RALGAPA1: variants seen among roughly 807,000 people sequenced by gnomAD.
RALGAPA1 encodes ral GTPase-activating protein subunit alpha-1.
In RALGAPA1, 52 loss-of-function variants were observed where a neutral mutation model predicts 269.6. That is an observed-to-expected ratio of 0.19 (90% CI 0.15 to 0.24). The LOEUF (loss-of-function observed/expected upper bound fraction) is 0.24, where lower values mean the gene tolerates loss of function less well. Among genes scored for constraint, RALGAPA1 ranks in the 10% least tolerant of loss-of-function variants. The pLI, the probability that RALGAPA1 is intolerant of heterozygous loss-of-function variation, is 1.00. For missense variants in RALGAPA1, 1,917 were observed against 3,013.9 expected (o/e 0.64, Z 8.52); for synonymous variants, 817 against 1,008.3 (o/e 0.81, Z 3.60).
intron 12 of RALGAPA1, among the ~76,000 whole-genome samples, chr14:35,729,421 T>C (rs1410439446): frequency 6.6e-6 from 1 of 152,022 alleles, no homozygotes; most frequent in East Asian, 1.9e-4. Context: ...AGTATATACA[T>C]AGTAATAGAA....
intron 1 of RALGAPA1, among the ~76,000 whole-genome samples, chr14:35,785,802 CT>C (rs942910731): frequency 1.3e-5 from 2 of 152,168 alleles, no homozygotes; most frequent in African/African-American, 2.4e-5. Flanking sequence ...CATAATTAAG[CT>C]GTTGCAGAAC....
chr14:35,702,863 C>G (rs1384434947), intron 16 of RALGAPA1, among the ~76,000 whole-genome samples: 1 of 151,628 alleles, frequency 6.6e-6, no homozygotes, highest in Non-Finnish European at 1.5e-5. Flanking sequence ...CCTCAGCCTC[C>G]TGAGTAGCTG....
chr14:35,802,377 A>C (rs1431565961), intron 1 of RALGAPA1, among the ~76,000 whole-genome samples: 1 of 152,168 alleles, frequency 6.6e-6, no homozygotes, highest in Non-Finnish European at 1.5e-5. Context: ...ACTATACATA[A>C]ATCAGTGGTA....
intron 37 of RALGAPA1, among the ~76,000 whole-genome samples, chr14:35,582,706 G>T (rs1004138677): frequency 3.3e-5 from 5 of 152,136 alleles, no homozygotes; most frequent in African/African-American, 1.2e-4. Context: ...ATATCCTCTT[G>T]CTTTATGGAG....
intron 12 of RALGAPA1, among the ~76,000 whole-genome samples, chr14:35,730,929 C>G (rs7152711): frequency 0.35 from 53,009 of 152,182 alleles, 12,750 homozygotes; most frequent in African/African-American, 0.67. Flanking sequence ...AGGCCAACCA[C>G]CACAAAAACA....
chr14:35,646,030 C>T (rs571119384), intron 31 of RALGAPA1, among the ~76,000 whole-genome samples: 5 of 152,062 alleles, frequency 3.3e-5, no homozygotes, highest in Non-Finnish European at 7.4e-5. Flanking sequence ...GATTACAAAT[C>T]ATTGCATAAA....
chr14:35,657,049 A>G (rs1010315140), intron 28 of RALGAPA1, among the ~76,000 whole-genome samples: 3 of 152,128 alleles, frequency 2.0e-5, no homozygotes, highest in Admixed American at 1.3e-4. Flanking sequence ...AAGGATATAT[A>G]TATTTTTTTC....
intron 1 of RALGAPA1, among the ~76,000 whole-genome samples, chr14:35,786,488 A>C (rs894549582): frequency 6.6e-6 from 1 of 151,854 alleles, no homozygotes; most frequent in Non-Finnish European, 1.5e-5. Context: ...AATACAAAAA[A>C]TTAGCCGGGC....
At chr14:35,799,864 T>C (rs916345137) in intron 1 of RALGAPA1, among the ~76,000 whole-genome samples, 4 of 152,120 alleles carry the variant, frequency 2.6e-5, no homozygotes, top group Non-Finnish European at 5.9e-5. Context: ...CCACTTCACA[T>C]ATAAAAACAC....
intron 37 of RALGAPA1, among the ~76,000 whole-genome samples, chr14:35,593,506 A>T (rs1271976087): frequency 6.6e-6 from 1 of 152,036 alleles, no homozygotes. Context: ...ACCACAAAAA[A>T]CCCTCAAATG....
chr14:35,655,867 G>A lies in RALGAPA1; in HGVS notation c.5436C>T (p.Val1812=). The change falls in exon 29 of 42, where the codon GTC becomes GTT. Residue 1812 remains valine, a synonymous_variant. Transcript: ENST00000680220. Reference sequence around the variant, plus strand: ...TAATTTGAGGATGATGAGACTCATGGACTAGTTCTTCACAAATCCAAATAC... The same window carrying A: ...TAATTTGAGGATGATGAGACTCATGAACTAGTTCTTCACAAATCCAAATAC... ...SLGIWICEEL[V]HESHHPQIKE... 1 of 1,613,462 alleles carries A rather than the reference G, an allele frequency of 6.2e-7. No individual in the cohort carries two copies. Among genetic ancestry groups the A allele is most frequent in the East Asian group, 2.2e-5 (1 of 44,774 alleles).
At chr14:35,611,394 C>T (rs565340116) in intron 35 of RALGAPA1, among the ~76,000 whole-genome samples, 6 of 151,342 alleles carry the variant, frequency 4.0e-5, no homozygotes, top group Non-Finnish European at 7.4e-5. Context: ...CCCAGCTACT[C>T]GGGAGGCTGA....
chr14:35,705,081 T>C (rs1401970586), intron 16 of RALGAPA1, among the ~76,000 whole-genome samples: 8 of 152,078 alleles, frequency 5.3e-5, no homozygotes, highest in African/African-American at 9.7e-5. Flanking sequence ...TACATCCCTT[T>C]CCCCCTCCCT....
intron 35 of RALGAPA1, among the ~76,000 whole-genome samples, chr14:35,617,929 T>C (rs1300251263): frequency 6.6e-6 from 1 of 151,982 alleles, no homozygotes; most frequent in Non-Finnish European, 1.5e-5. Context: ...ATAAAAATTA[T>C]AACACCATGT....
At chr14:35,640,106 T>C (rs993164832) in intron 31 of RALGAPA1, among the ~76,000 whole-genome samples, 18 of 152,184 alleles carry the variant, frequency 1.2e-4, no homozygotes, top group African/African-American at 4.1e-4. Flanking sequence ...GGGAAGTTTA[T>C]AGCTATAAGC....
intron 12 of RALGAPA1, among the ~76,000 whole-genome samples, chr14:35,732,265 A>C (rs530609012): frequency 7.9e-5 from 12 of 152,286 alleles, no homozygotes; most frequent in Admixed American, 7.2e-4. Flanking sequence ...TCCTAGAAAC[A>C]TATCAAAACA....
rs1346185347 is a variant in RALGAPA1 at position 35,809,053 on chromosome 14, G to C, written c.-218C>G. The C allele has an allele frequency of 1.2e-5, 9 of 727,060 alleles. No homozygotes were observed. Among genetic ancestry groups the C allele is most frequent in the Non-Finnish European group, 1.9e-5 (9 of 465,470 alleles). The allele number at this position is 727,060 out of a possible 1,614,324, so 45.0% of individuals were successfully genotyped here. A position where few individuals can be genotyped will look rare whatever the true frequency, so the allele number is the denominator to read the frequency against. On this transcript the variant is annotated 5_prime_UTR_variant, in exon 1 of 42. Transcript: ENST00000680220. ...CGGCTCCAAGGCACCTTCGGCCCCA[G>C]CTCCAATATGGCGGATCCCTCTCCC...
At chr14:35,566,793 T>G (rs997558514) in intron 39 of RALGAPA1, among the ~76,000 whole-genome samples, 1 of 150,902 alleles carries the variant, frequency 6.6e-6, no homozygotes, top group African/African-American at 2.4e-5. Context: ...TATATAAATG[T>G]TCATTTGAAA....
chr14:35,723,396 A>C, intron 14 of RALGAPA1, 132 bp from the exon 15 acceptor site: 3 of 559,380 alleles, frequency 5.4e-6, no homozygotes, highest in Admixed American at 3.3e-5. Flanking sequence ...TTAATAGATA[A>C]TACTACTTGT....
Sources: allele counts gnomAD v4.1 joint callset (sites outside exome capture counted in the v4.1 genomes callset), GRCh38; gene constraint gnomAD v4.1.1; transcripts MANE v1.5; gene names NCBI Gene and HGNC (gene_info 2026-07-23, HGNC 2026-07-21).